Variants in ASIC2 observed in about 807,000 individuals in gnomAD.
ASIC2 encodes acid sensing ion channel subunit 2.
Under a neutral mutation model 57.3 loss-of-function variants are expected in ASIC2, and 25 were observed. That is an observed-to-expected ratio of 0.44 (90% confidence interval 0.32 to 0.61). The LOEUF (loss-of-function observed/expected upper bound fraction) is 0.61, where lower values mean the gene tolerates loss of function less well. Ranked by LOEUF, ASIC2 falls within the 20% of genes least tolerant of loss-of-function variation. The pLI, the probability that ASIC2 is intolerant of heterozygous loss-of-function variation, is 0.06. For missense variants in ASIC2, 641 were observed against 738.1 expected (o/e 0.87, Z 1.52); for synonymous variants, 319 against 307.5 (o/e 1.04, Z -0.39).
chr17:33,074,497 G>T (rs918831668), intron 3 of ASIC2, among the ~76,000 whole-genome samples: 1 of 152,114 alleles, frequency 6.6e-6, no homozygotes, highest in Non-Finnish European at 1.5e-5. Flanking sequence ...AGCACCTGGG[G>T]TTCCTCACGG....
intron 1 of ASIC2, among the ~76,000 whole-genome samples, chr17:33,931,761 A>T (rs1466446442): frequency 6.6e-6 from 1 of 152,192 alleles, no homozygotes; most frequent in Admixed American, 6.5e-5. Context: ...ATCCCTCTTT[A>T]TGAGCTAGAA....
chr17:33,253,005 T>C (rs943967259), intron 1 of ASIC2, among the ~76,000 whole-genome samples: 1 of 152,240 alleles, frequency 6.6e-6, no homozygotes, highest in Non-Finnish European at 1.5e-5. Context: ...AACATTTGTA[T>C]GTTAAGCTCC....
chr17:33,036,921 T>C lies in ASIC2; in HGVS notation c.988-8529A>G, dbSNP rs541984150. On this transcript the variant is annotated intron_variant, in intron 3 of 9. Transcript: ENST00000225823. ...GGGGCTAGACACCACCAAGTCCCAT[T>C]CAAGTGTTGATATTCTATGATTTAG... is the stretch of plus-strand genomic sequence containing the variant. Among the ~76,000 whole-genome samples, 5 of 152,188 alleles carry C rather than the reference T, an allele frequency of 3.3e-5. No homozygotes were observed. The South Asian group carries it at 1.0e-3, about 32-fold the overall frequency.
At chr17:33,595,738 G>T (rs553008556) in intron 1 of ASIC2, among the ~76,000 whole-genome samples, 1 of 152,220 alleles carries the variant, frequency 6.6e-6, no homozygotes, top group Non-Finnish European at 1.5e-5. Context: ...CCTTGCAGGG[G>T]GGTTGTGAAA....
At chr17:34,039,156 T>C (rs1423691262) in intron 1 of ASIC2, 5 of 1,613,924 alleles carry the variant, frequency 3.1e-6, no homozygotes, top group Non-Finnish European at 4.2e-6. Context: ...AGATGGCTCT[T>C]AATAAATCAT....
intron 1 of ASIC2, among the ~76,000 whole-genome samples, chr17:33,466,506 A>G (rs1339090868): frequency 6.6e-6 from 1 of 152,204 alleles, no homozygotes; most frequent in Non-Finnish European, 1.5e-5. Flanking sequence ...TTTCAAGTTC[A>G]TATGGAACCA....
chr17:33,779,245 C>G (rs1911375772), intron 1 of ASIC2, among the ~76,000 whole-genome samples: 1 of 151,990 alleles, frequency 6.6e-6, no homozygotes, highest in African/African-American at 2.4e-5. Flanking sequence ...TCTGTTGTTC[C>G]TTAAAAAAAA....
intron 1 of ASIC2, among the ~76,000 whole-genome samples, chr17:34,121,372 C>T (rs1429749746): frequency 9.9e-5 from 15 of 152,218 alleles, no homozygotes; most frequent in Admixed American, 9.8e-4. Flanking sequence ...TTCGCCTGTA[C>T]TCTCCTGTCA....
intron 1 of ASIC2, among the ~76,000 whole-genome samples, chr17:33,597,668 C>T (rs117740769): frequency 7.9e-5 from 12 of 152,206 alleles, no homozygotes; most frequent in Non-Finnish European, 1.5e-4. Context: ...GACCTTAATA[C>T]GTGATGGAAT....
chr17:33,877,146 C>T (rs2141936244), intron 1 of ASIC2, among the ~76,000 whole-genome samples: 1 of 152,282 alleles, frequency 6.6e-6, no homozygotes, highest in East Asian at 1.9e-4. Flanking sequence ...GGTGGTGGAG[C>T]CAAGATGGCC....
At chr17:34,015,014 A>G (rs1906898317) in intron 1 of ASIC2, among the ~76,000 whole-genome samples, 1 of 149,226 alleles carries the variant, frequency 6.7e-6, no homozygotes, top group African/African-American at 2.5e-5. Flanking sequence ...ACTTCCAAGT[A>G]GCTGGGACTA....
intron 1 of ASIC2, among the ~76,000 whole-genome samples, chr17:33,917,855 TACACAC>T (rs10645495): frequency 1.4e-5 from 2 of 139,094 alleles, no homozygotes; most frequent in South Asian, 2.4e-4. Flanking sequence ...TAAAGCCCGG[TACACAC>T]ACACACACAC....
chr17:34,138,892 G>T (rs1912195940), intron 1 of ASIC2, among the ~76,000 whole-genome samples: 1 of 152,202 alleles, frequency 6.6e-6, no homozygotes, highest in Non-Finnish European at 1.5e-5. Context: ...CCAATCCTCT[G>T]AAAACCAGTA....
intron 1 of ASIC2, among the ~76,000 whole-genome samples, chr17:34,110,391 G>C (rs1006056261): frequency 1.3e-5 from 2 of 152,136 alleles, no homozygotes; most frequent in Non-Finnish European, 2.9e-5. Flanking sequence ...GACTGCCCTA[G>C]GAAACCTAGC....
chr17:33,626,060 A>AT (rs751503768), intron 1 of ASIC2, among the ~76,000 whole-genome samples: 3 of 152,176 alleles, frequency 2.0e-5, no homozygotes, highest in Non-Finnish European at 1.5e-5. Flanking sequence ...CTGCCAAGTG[A>AT]TTTTTTGATC....
chr17:33,806,272 A>G (rs1912265817), intron 1 of ASIC2, among the ~76,000 whole-genome samples: 1 of 152,272 alleles, frequency 6.6e-6, no homozygotes, highest in African/African-American at 2.4e-5. Context: ...TACCCAAACC[A>G]ATAAATGTGG....
chr17:33,121,088 A>G lies in ASIC2; in HGVS notation c.709-9021T>C, dbSNP rs184163266. ...CCTGAAAGTTCTCTGTAGAAAAACA[A>G]AAAGGCTCCGCCCAGGCAGGGAGTA... On this transcript the variant is annotated intron_variant, in intron 1 of 9. Transcript: ENST00000225823. Among the ~76,000 whole-genome samples, 89 of 152,360 alleles carry G rather than the reference A, an allele frequency of 5.8e-4. 1 individual carries two copies. The highest frequency in any genetic ancestry group is 3.6e-3 in the Admixed American group (55 of 15,302).
Position 33,013,744 on chromosome 17 carries a change from T to C in ASIC2, c.*221A>G. 3 of 580,974 alleles carry C rather than the reference T, an allele frequency of 5.2e-6. No homozygotes were observed. The highest frequency in any genetic ancestry group is 3.0e-5 in the Admixed American group (1 of 33,570). 36.0% of individuals were successfully genotyped at this position (580,974 alleles called of 1,614,324 possible). A position where few individuals can be genotyped will look rare whatever the true frequency, so the allele number is the denominator to read the frequency against. On this transcript the variant is annotated 3_prime_UTR_variant, in exon 10 of 10. Transcript: ENST00000225823. The stretch of plus-strand genomic sequence containing the variant: ...GGTTCGTTCTTGGACAGTTCCAGAG[T>C]GTGACTCATCTCTCCTAAGAGGGAC...
At position 33,673,897 on chromosome 17, in the gene ASIC2, C is replaced by CT. The variant is rs574986885; in HGVS notation, c.555+482080dup. ...TGAGCTAAGGTCTGTGCATCCGTGTCTTTTTTTTTTTTTTGGAGACGGAGT... is the reference window on the plus strand; with the variant it reads ...TGAGCTAAGGTCTGTGCATCCGTGTCTTTTTTTTTTTTTTTGGAGACGGAGT... On this transcript the variant is annotated intron_variant, in intron 1 of 9. Coordinates refer to the ASIC2 transcript ENST00000359872. 1.9e-3 allele frequency among the ~76,000 whole-genome samples: 269 copies of CT among 141,084 alleles called. 1 individual carries two copies. Among genetic ancestry groups the CT allele is most frequent in the Middle Eastern group, 0.011 (3 of 272 alleles). 92.6% of individuals were successfully genotyped at this position (141,084 alleles called of 152,430 possible). A position where few individuals can be genotyped will look rare whatever the true frequency, so the allele number is the denominator to read the frequency against.
Sources: allele counts gnomAD v4.1 joint callset (sites outside exome capture counted in the v4.1 genomes callset), GRCh38; gene constraint gnomAD v4.1.1; transcripts MANE v1.5; gene names NCBI Gene and HGNC (gene_info 2026-07-23, HGNC 2026-07-21).